Variants in CSMD1 observed in about 807,000 individuals in gnomAD.
The protein encoded by CSMD1 is CUB and Sushi multiple domains 1.
Under a neutral mutation model 417.5 loss-of-function variants are expected in CSMD1, and 213 were observed. That is an observed-to-expected ratio of 0.51 (90% CI 0.46 to 0.57). The LOEUF is 0.57. Ranked by LOEUF, CSMD1 falls within the 20% of genes least tolerant of loss-of-function variation. The pLI is 0.00. For synonymous variants in CSMD1, 2,862 were observed against 1,736.8 expected (o/e 1.65, Z -16.11); for missense variants, 6,923 against 4,529.7 (o/e 1.53, Z -15.17).
intron 5 of CSMD1, among the ~76,000 whole-genome samples, chr8:3,986,826 G>A (rs1009043284): frequency 3.3e-5 from 5 of 152,074 alleles, no homozygotes; most frequent in Admixed American, 2.0e-4. Flanking sequence ...TGCGATCTCG[G>A]CTCACTGCAA....
intron 3 of CSMD1, among the ~76,000 whole-genome samples, chr8:4,208,751 T>C (rs910783491): frequency 6.6e-6 from 1 of 152,162 alleles, no homozygotes; most frequent in Non-Finnish European, 1.5e-5. Context: ...GGAGAATATA[T>C]TGTCGTGGAA....
At chr8:3,679,386 T>G (rs56385306) in intron 7 of CSMD1, among the ~76,000 whole-genome samples, 20,680 of 152,158 alleles carry the variant, frequency 0.14, 1,704 homozygotes, top group South Asian at 0.22. Flanking sequence ...GTTGCAATCC[T>G]AGTCTCTGAT....
chr8:3,944,785 T>A (rs1357002615), intron 5 of CSMD1, among the ~76,000 whole-genome samples: 1 of 152,184 alleles, frequency 6.6e-6, no homozygotes, highest in Non-Finnish European at 1.5e-5. Context: ...AATACCCAAA[T>A]GATCTATTCT....
intron 7 of CSMD1, among the ~76,000 whole-genome samples, chr8:3,617,129 T>A (rs570712659): frequency 6.6e-6 from 1 of 152,300 alleles, no homozygotes; most frequent in African/African-American, 2.4e-5. Context: ...AACAGCATTA[T>A]GAGAAAAACG....
intron 3 of CSMD1, among the ~76,000 whole-genome samples, chr8:4,325,887 A>G (rs1455433361): frequency 6.6e-6 from 1 of 152,190 alleles, no homozygotes; most frequent in African/African-American, 2.4e-5. Flanking sequence ...CTGTATATGC[A>G]CATGGTCAGA....
chr8:4,069,476 C>G (rs1799432126), intron 3 of CSMD1, among the ~76,000 whole-genome samples: 1 of 152,136 alleles, frequency 6.6e-6, no homozygotes, highest in South Asian at 2.1e-4. Context: ...GATATTATCT[C>G]TAGGTAAGTA....
At chr8:4,895,291 A>G (rs1804407315) in intron 1 of CSMD1, among the ~76,000 whole-genome samples, 1 of 152,146 alleles carries the variant, frequency 6.6e-6, no homozygotes, top group Non-Finnish European at 1.5e-5. Context: ...TGAAAATGGT[A>G]AGTCCGTATG....
intron 5 of CSMD1, among the ~76,000 whole-genome samples, chr8:3,878,319 C>A (rs7842984): frequency 0.012 from 1,799 of 152,242 alleles, 36 homozygotes; most frequent in African/African-American, 0.04. Flanking sequence ...ATATTCTCTA[C>A]ACTATTCTTT....
chr8:4,015,065 T>C (rs965319495), intron 4 of CSMD1, among the ~76,000 whole-genome samples: 1 of 152,162 alleles, frequency 6.6e-6, no homozygotes, highest in Non-Finnish European at 1.5e-5. Flanking sequence ...TTGATACGAT[T>C]TACACTGGAA....
chr8:4,122,578 C>G (rs561184295), intron 3 of CSMD1, among the ~76,000 whole-genome samples: 1 of 152,142 alleles, frequency 6.6e-6, no homozygotes, highest in South Asian at 2.1e-4. Flanking sequence ...TGGAGGACAT[C>G]GCATGCCCTA....
At chr8:4,252,494 A>G (rs1234509320) in intron 3 of CSMD1, among the ~76,000 whole-genome samples, 1 of 152,228 alleles carries the variant, frequency 6.6e-6, no homozygotes, top group Non-Finnish European at 1.5e-5. Context: ...GCTTTTGAGA[A>G]GCCAGAGGCA....
chr8:3,727,600 C>G (rs146163076), intron 6 of CSMD1, among the ~76,000 whole-genome samples: 6 of 152,286 alleles, frequency 3.9e-5, no homozygotes, highest in Admixed American at 1.3e-4. Flanking sequence ...TATGATACTG[C>G]AATTCGACTT....
chr8:3,558,947 C>A (rs1250388756), intron 10 of CSMD1, among the ~76,000 whole-genome samples: 1 of 152,066 alleles, frequency 6.6e-6, no homozygotes, highest in East Asian at 1.9e-4. Flanking sequence ...CCCAGAGTAG[C>A]CCAGTATGAC....
chr8:4,492,621 A>G (rs1317457117), intron 2 of CSMD1, among the ~76,000 whole-genome samples: 1 of 152,192 alleles, frequency 6.6e-6, no homozygotes, highest in East Asian at 1.9e-4. Flanking sequence ...TATGTCCATG[A>G]AGCACTAGTG....
chr8:3,080,880 A>G (rs978388874), intron 49 of CSMD1, among the ~76,000 whole-genome samples: 1 of 152,194 alleles, frequency 6.6e-6, no homozygotes. Flanking sequence ...GTATCCTCCA[A>G]TTTCAAATCC....
At chr8:4,454,075 GCCTC>G (rs1281309071) in intron 2 of CSMD1, among the ~76,000 whole-genome samples, 6 of 152,026 alleles carry the variant, frequency 3.9e-5, no homozygotes, top group African/African-American at 1.4e-4. Context: ...GCCCGCCTCG[GCCTC>G]CCTAAGTGCT....
chr8:4,686,900 G>T (rs1290634802), intron 1 of CSMD1, among the ~76,000 whole-genome samples: 3 of 152,166 alleles, frequency 2.0e-5, no homozygotes, highest in Non-Finnish European at 4.4e-5. Context: ...AGACAGAGGT[G>T]GATTTCCTGG....
At chr8:3,868,305 G>A (rs139050773) in intron 5 of CSMD1, among the ~76,000 whole-genome samples, 1 of 152,124 alleles carries the variant, frequency 6.6e-6, no homozygotes, top group Non-Finnish European at 1.5e-5. Flanking sequence ...TTGCAGGAGA[G>A]ATTTCATTTT....
rs143441056 is a variant in CSMD1 at position 3,225,740 on chromosome 8, T to A, written c.4346-1873A>T. On this transcript the variant is annotated intron_variant, in intron 27 of 69. Transcript: ENST00000635120. ...TCCCAGGAGGCACTTTCAAATGAGGTGATTTAAAAGCTGAAAAAGTGGAAT... is the reference window on the plus strand; with the variant it reads ...TCCCAGGAGGCACTTTCAAATGAGGAGATTTAAAAGCTGAAAAAGTGGAAT... 3.6e-3 allele frequency among the ~76,000 whole-genome samples: 546 copies of A among 152,300 alleles called. 9 individuals carry two copies. The highest frequency in any genetic ancestry group is 0.033 in the Admixed American group (502 of 15,294).
Sources: gnomAD v4.1 joint callset for allele counts (sites outside exome capture counted in the v4.1 genomes callset) on GRCh38, gnomAD v4.1.1 for gene constraint, MANE v1.5 for transcripts, NCBI Gene and HGNC (gene_info 2026-07-23, HGNC 2026-07-21) for gene names.